Variants in CFAP299 observed in about 807,000 individuals in gnomAD.
CFAP299 encodes the protein cilia and flagella associated protein 299, also known as cilia- and flagella-associated protein 299.
Under a neutral mutation model 27.0 loss-of-function variants are expected in CFAP299, and 21 were observed. The ratio of observed to expected loss-of-function variants is 0.78; its 90% CI spans 0.55 to 1.12. The LOEUF (loss-of-function observed/expected upper bound fraction) is 1.12. Among genes scored for constraint, CFAP299 ranks in the 50% most tolerant of loss-of-function variants. The probability of loss-of-function intolerance (pLI) is 0.00; values close to 1 mark genes in which losing one functional copy is unlikely to be tolerated. For missense variants in CFAP299, 310 were observed against 276.6 expected (o/e 1.12, Z -0.86); for synonymous variants, 104 against 98.1 (o/e 1.06, Z -0.36).
intron 5 of CFAP299, among the ~76,000 whole-genome samples, chr4:80,961,223 A>G (rs1167522629): frequency 6.6e-6 from 1 of 151,724 alleles, no homozygotes; most frequent in East Asian, 1.9e-4. Flanking sequence ...TAGTAGACCT[A>G]AGTAAGTTCA....
chr4:80,859,980 C>A (rs1732210154), intron 3 of CFAP299, among the ~76,000 whole-genome samples: 1 of 152,134 alleles, frequency 6.6e-6, no homozygotes, highest in African/African-American at 2.4e-5. Context: ...TGGGGAAGTT[C>A]TCCTGGATAA....
At chr4:80,806,426 A>C (rs973976879) in intron 3 of CFAP299, among the ~76,000 whole-genome samples, 6 of 152,210 alleles carry the variant, frequency 3.9e-5, no homozygotes, top group Non-Finnish European at 7.3e-5. Flanking sequence ...CAGAACCAAA[A>C]TATAATGTGA....
chr4:80,834,791 G>A (rs886803939), intron 3 of CFAP299, among the ~76,000 whole-genome samples: 2 of 152,092 alleles, frequency 1.3e-5, no homozygotes, highest in African/African-American at 4.8e-5. Flanking sequence ...GGTTGAGCTG[G>A]GTGCTTGTCA....
chr4:80,854,847 A>T (rs1180672190), intron 3 of CFAP299, among the ~76,000 whole-genome samples: 1 of 150,442 alleles, frequency 6.6e-6, no homozygotes. Flanking sequence ...ACAGAAAAGG[A>T]AAATTGGGTT....
intron 3 of CFAP299, among the ~76,000 whole-genome samples, chr4:80,821,686 C>T (rs1729715341): frequency 6.6e-6 from 1 of 152,146 alleles, no homozygotes; most frequent in African/African-American, 2.4e-5. Flanking sequence ...GCTGTACAGG[C>T]TTTATTTTCA....
intron 3 of CFAP299, among the ~76,000 whole-genome samples, chr4:80,604,443 A>G (rs1737530717): frequency 6.6e-6 from 1 of 152,134 alleles, no homozygotes. Context: ...CTCTCTAGGT[A>G]CATCTTGATG....
At chr4:80,807,666 T>G (rs1473254828) in intron 3 of CFAP299, among the ~76,000 whole-genome samples, 1 of 152,082 alleles carries the variant, frequency 6.6e-6, no homozygotes, top group Non-Finnish European at 1.5e-5. Flanking sequence ...GTTGTTTTGC[T>G]CTAACTGGTT....
intron 3 of CFAP299, among the ~76,000 whole-genome samples, chr4:80,782,698 T>C (rs1282239657): frequency 7.6e-6 from 1 of 131,554 alleles, no homozygotes; most frequent in Middle Eastern, 3.4e-3. Flanking sequence ...ATATAATATA[T>C]TCATATATAA....
intron 4 of CFAP299, among the ~76,000 whole-genome samples, chr4:80,935,393 C>T (rs896186383): frequency 2.6e-5 from 4 of 151,974 alleles, no homozygotes; most frequent in East Asian, 1.9e-4. Context: ...GAATAGAGAG[C>T]TCAGAAGAAG....
chr4:80,457,202 TTGA>T (rs1391071945), intron 2 of CFAP299, among the ~76,000 whole-genome samples: 2 of 152,260 alleles, frequency 1.3e-5, no homozygotes, highest in African/African-American at 4.8e-5. Flanking sequence ...ATTACAACAA[TTGA>T]TGATCCGCAG....
intron 3 of CFAP299, among the ~76,000 whole-genome samples, chr4:80,706,255 A>G (rs1721810877): frequency 1.3e-5 from 2 of 151,750 alleles, no homozygotes; most frequent in South Asian, 4.1e-4. Context: ...AGGTGGGTTT[A>G]TGCAAACATA....
At chr4:80,403,519 C>T (rs932632515) in intron 2 of CFAP299, among the ~76,000 whole-genome samples, 2 of 152,086 alleles carry the variant, frequency 1.3e-5, no homozygotes, top group African/African-American at 4.8e-5. Flanking sequence ...AGGCCCTTTG[C>T]ATTTGCTATT....
At chr4:80,816,989 C>T (rs1248677588) in intron 3 of CFAP299, among the ~76,000 whole-genome samples, 1 of 152,138 alleles carries the variant, frequency 6.6e-6, no homozygotes, top group East Asian at 1.9e-4. Context: ...TTGTAGTTCC[C>T]AGGATTTCCC....
chr4:80,915,918 G>A (rs1349093971), intron 4 of CFAP299, among the ~76,000 whole-genome samples: 1 of 151,344 alleles, frequency 6.6e-6, no homozygotes, highest in Admixed American at 6.6e-5. Flanking sequence ...TACATTTGGC[G>A]ACCAGTCATT....
At chr4:80,782,160 A>G (rs1305550527) in intron 3 of CFAP299, among the ~76,000 whole-genome samples, 1 of 151,956 alleles carries the variant, frequency 6.6e-6, no homozygotes, top group Non-Finnish European at 1.5e-5. Context: ...TGGTTCAGGG[A>G]CATTGACATT....
At chr4:80,418,699 AGAGTTC>A (rs1306499312) in intron 2 of CFAP299, among the ~76,000 whole-genome samples, 3 of 151,404 alleles carry the variant, frequency 2.0e-5, no homozygotes, top group African/African-American at 7.3e-5. Flanking sequence ...TCTGCTACTT[AGAGTTC>A]AATTGTTTTA....
chr4:80,462,009 G>T (rs1367163728), intron 2 of CFAP299, among the ~76,000 whole-genome samples: 1 of 152,060 alleles, frequency 6.6e-6, no homozygotes, highest in Non-Finnish European at 1.5e-5. Flanking sequence ...ACTCCGCTTG[G>T]ATTCTAATCT....
chr4:80,415,905 A>G (rs1217947868), intron 2 of CFAP299, among the ~76,000 whole-genome samples: 2 of 152,184 alleles, frequency 1.3e-5, no homozygotes, highest in East Asian at 3.8e-4. Flanking sequence ...CTATAGGCTG[A>G]AATTGATTTG....
At chr4:80,552,102 T>C (rs1734550604) in intron 2 of CFAP299, among the ~76,000 whole-genome samples, 1 of 152,362 alleles carries the variant, frequency 6.6e-6, no homozygotes, top group Admixed American at 6.5e-5. Flanking sequence ...AAAAGCATTC[T>C]ATGCCTTTGA....
Sources: allele counts gnomAD v4.1 joint callset (sites outside exome capture counted in the v4.1 genomes callset), GRCh38; gene constraint gnomAD v4.1.1; transcripts MANE v1.5; gene names NCBI Gene and HGNC (gene_info 2026-07-23, HGNC 2026-07-21).